DGKB: variants seen among roughly 807,000 people sequenced by gnomAD.
DGKB encodes the protein 90 kDa diacylglycerol kinase.
In DGKB, 67 loss-of-function variants were observed where a neutral mutation model predicts 114.3. That is an observed-to-expected ratio of 0.59 (90% CI 0.48 to 0.72). The LOEUF (loss-of-function observed/expected upper bound fraction) is 0.72, where lower values mean the gene tolerates loss of function less well. DGKB is among the 30% of genes least tolerant of loss of function. The pLI is 0.00. For synonymous variants in DGKB, 398 were observed against 323.1 expected (o/e 1.23, Z -2.49); for missense variants, 907 against 975.2 (o/e 0.93, Z 0.93).
chr7:14,416,321 T>G (rs1289577135), intron 21 of DGKB, among the ~76,000 whole-genome samples: 1 of 152,178 alleles, frequency 6.6e-6, no homozygotes, highest in Non-Finnish European at 1.5e-5. Flanking sequence ...GGATAACTTC[T>G]GAAATTTTGG....
rs146320815 is a variant in DGKB at position 14,326,601 on chromosome 7, A to T, written c.2122+11914T>A. On this transcript the variant is annotated intron_variant, in intron 23 of 25. Coordinates refer to ENST00000402815, the MANE Select transcript of DGKB (RefSeq NM_001350709.2). The stretch of plus-strand genomic sequence containing the variant: ...TGTAGTGGAAGGAAAGAAAATTAAG[A>T]CAGAGAAGAAGGAATTCCCTTCTCC... Among the ~76,000 whole-genome samples, 858 of 152,244 alleles carry T rather than the reference A, an allele frequency of 5.6e-3. 10 individuals are homozygous for T. Among genetic ancestry groups the T allele is most frequent in the African/African-American group, 0.02 (827 of 41,546 alleles).
At chr7:14,390,421 C>A (rs543476087) in intron 21 of DGKB, among the ~76,000 whole-genome samples, 5 of 152,222 alleles carry the variant, frequency 3.3e-5, no homozygotes, top group African/African-American at 1.2e-4. Context: ...GGATAAAAGA[C>A]CATTCCTTGA....
At chr7:14,919,986 C>A (rs1367322125) in intron 1 of DGKB, among the ~76,000 whole-genome samples, 1 of 152,158 alleles carries the variant, frequency 6.6e-6, no homozygotes, top group African/African-American at 2.4e-5. Flanking sequence ...AAATAAACCT[C>A]GTTCCTATAT....
chr7:14,354,531 AAC>A (rs2128613955), intron 21 of DGKB, among the ~76,000 whole-genome samples: 2 of 152,304 alleles, frequency 1.3e-5, no homozygotes, highest in African/African-American at 4.8e-5. Flanking sequence ...ATCTCTACAT[AAC>A]ACTTACTTTG....
intron 21 of DGKB, among the ~76,000 whole-genome samples, chr7:14,445,007 A>C (rs1334386360): frequency 6.6e-6 from 1 of 151,902 alleles, no homozygotes; most frequent in Non-Finnish European, 1.5e-5. Context: ...TTCAGTTGCT[A>C]AGTAATAGAA....
chr7:14,483,743 C>A (rs1783345258), intron 20 of DGKB, among the ~76,000 whole-genome samples: 1 of 152,080 alleles, frequency 6.6e-6, no homozygotes, highest in South Asian at 2.1e-4. Context: ...AGAGATTAGA[C>A]AGGAGGAGAC....
At chr7:14,568,312 T>C (rs1372310418) in intron 20 of DGKB, among the ~76,000 whole-genome samples, 1 of 152,196 alleles carries the variant, frequency 6.6e-6, no homozygotes, top group Non-Finnish European at 1.5e-5. Context: ...TCTGGCTAAA[T>C]TGGAAAAGCA....
intron 15 of DGKB, among the ~76,000 whole-genome samples, chr7:14,614,285 A>C (rs1006862549): frequency 6.6e-6 from 1 of 152,170 alleles, no homozygotes; most frequent in Non-Finnish European, 1.5e-5. Context: ...GGGAAAGGAC[A>C]AGTGTTGTCT....
At chr7:14,201,071 A>C (rs955483105) in intron 23 of DGKB, among the ~76,000 whole-genome samples, 1 of 151,998 alleles carries the variant, frequency 6.6e-6, no homozygotes, top group African/African-American at 2.4e-5. Flanking sequence ...ACTGGATCGC[A>C]TATAAACAAC....
chr7:14,235,894 G>T (rs1792688620), intron 23 of DGKB, among the ~76,000 whole-genome samples: 1 of 151,910 alleles, frequency 6.6e-6, no homozygotes, highest in Non-Finnish European at 1.5e-5. Context: ...CCACCTTTCT[G>T]GTATGCTTAC....
At chr7:14,726,054 A>G (rs1243316759) in intron 5 of DGKB, among the ~76,000 whole-genome samples, 1 of 152,190 alleles carries the variant, frequency 6.6e-6, no homozygotes, top group Non-Finnish European at 1.5e-5. Flanking sequence ...TTTTACATCT[A>G]AGAAAACAGA....
At chr7:14,155,720 G>T (rs952162293) in intron 25 of DGKB, among the ~76,000 whole-genome samples, 9 of 152,112 alleles carry the variant, frequency 5.9e-5, no homozygotes, top group African/African-American at 2.2e-4. Context: ...ACTGGAAAAA[G>T]AGGAAGATTT....
chr7:14,955,916 T>C (rs1267522716), intron 1 of DGKB, among the ~76,000 whole-genome samples: 6 of 152,014 alleles, frequency 3.9e-5, no homozygotes, highest in Non-Finnish European at 5.9e-5. Flanking sequence ...GGAGATTAAC[T>C]ACCTTGTAAG....
chr7:14,209,994 A>T (rs972262720), intron 23 of DGKB, among the ~76,000 whole-genome samples: 1 of 151,970 alleles, frequency 6.6e-6, no homozygotes, highest in Non-Finnish European at 1.5e-5. Flanking sequence ...GGATTACAGT[A>T]TTTATGTGTA....
chr7:14,472,130 A>G (rs893775536), intron 21 of DGKB, among the ~76,000 whole-genome samples: 1 of 152,190 alleles, frequency 6.6e-6, no homozygotes, highest in African/African-American at 2.4e-5. Context: ...AATCACTGAA[A>G]TCATGCTATG....
chr7:14,812,196 A>C (rs1843537839), intron 2 of DGKB, among the ~76,000 whole-genome samples: 1 of 152,152 alleles, frequency 6.6e-6, no homozygotes, highest in South Asian at 2.1e-4. Flanking sequence ...TTCTATGGAC[A>C]CGTGGGTTGC....
chr7:14,682,901 G>T, intron 10 of DGKB, 60 bp from the exon 11 acceptor site: 1 of 1,179,654 alleles, frequency 8.5e-7, no homozygotes, highest in Non-Finnish European at 1.2e-6. Context: ...TAATTTTATA[G>T]AGAAAGAATG....
intron 23 of DGKB, among the ~76,000 whole-genome samples, chr7:14,220,214 G>A (rs1451797306): frequency 6.6e-6 from 1 of 151,612 alleles, no homozygotes; most frequent in Non-Finnish European, 1.5e-5. Flanking sequence ...AAGAGGTACA[G>A]TAAAATTAAG....
chr7:14,870,573 A>AGATC (rs1332661608), intron 1 of DGKB, among the ~76,000 whole-genome samples: 2 of 152,074 alleles, frequency 1.3e-5, no homozygotes, highest in Non-Finnish European at 2.9e-5. Context: ...CGAGGAGGGC[A>AGATC]GATCGCGACA....
Sources: allele counts gnomAD v4.1 joint callset (sites outside exome capture counted in the v4.1 genomes callset), GRCh38; gene constraint gnomAD v4.1.1; transcripts MANE v1.5; gene names NCBI Gene and HGNC (gene_info 2026-07-23, HGNC 2026-07-21).